The following UGGT1 variants were observed in gnomAD, a reference collection of about 807,000 sequenced individuals.
UGGT1 encodes the protein UDP-glucose:glycoprotein glucosyltransferase 1.
UGGT1 carries 107 observed loss-of-function variants against 203.9 expected under a neutral mutation model. The observed-to-expected ratio is 0.52, with a 90% confidence interval of 0.45 to 0.62. The LOEUF is 0.62. Among genes scored for constraint, UGGT1 ranks in the 20% least tolerant of loss-of-function variants. The probability of loss-of-function intolerance (pLI) is 0.00; values close to 1 mark genes in which losing one functional copy is unlikely to be tolerated. For missense variants in UGGT1, 1,673 were observed against 1,867.2 expected (o/e 0.90, Z 1.92); for synonymous variants, 628 against 653.5 (o/e 0.96, Z 0.59).
In UGGT1 at chr2:128,129,172, C is replaced by T. The variant is rs1688758853; in HGVS notation, c.1370C>T (p.Ala457Val). 3 of 1,607,836 alleles carry T rather than the reference C, an allele frequency of 1.9e-6. No individual in the cohort carries two copies. Among genetic ancestry groups the T allele is most frequent in the African/African-American group, 1.3e-5 (1 of 74,524 alleles). The part of the protein sequence containing the change: ...ADYAVDIRSP[A>V]ISWVNNLEVD... ...TATGCCGTAGACATCCGGAGTCCTG[C>T]TATTTCAGTGAGTATTTTGTTAGGG... Residue 457 changes from alanine to valine, a missense_variant, in exon 13 of 41, where the codon GCT becomes GTT. Ala to Val is a moderately conservative substitution (Grantham distance 64, BLOSUM62 0). Coordinates refer to ENST00000259253, the MANE Select transcript of UGGT1 (RefSeq NM_020120.4).
At chr2:128,186,601 C>T (rs1457634549) in intron 38 of UGGT1, 82 bp from the exon 39 acceptor site, 1 of 1,174,096 alleles carries the variant, frequency 8.5e-7, no homozygotes, top group Non-Finnish European at 1.2e-6. Context: ...AGTGGGACCC[C>T]ATCTCTCAAT....
At chr2:128,094,353 G>A (rs925125109) in intron 1 of UGGT1, among the ~76,000 whole-genome samples, 7 of 152,054 alleles carry the variant, frequency 4.6e-5, no homozygotes, top group South Asian at 4.1e-4. Flanking sequence ...ATTTAATAAC[G>A]ATGATGTACT....
In UGGT1 at chr2:128,178,569, G is replaced by T; in HGVS notation, c.3815G>T (p.Arg1272Leu). ...GGTCATCTCTACGAAAGATTTCTTC[G>T]GTCAGTCTTGTTGATTATTTCATTA... ...ASGHLYERFL[R>L]IMMLSVLKNT... is the part of the protein sequence containing the mutation. Residue 1272 changes from arginine to leucine, a missense_variant and splice_region_variant, in exon 34 of 41, where the codon CGC (arginine) becomes CTC (leucine). Arg to Leu is a moderately radical substitution (Grantham distance 102). Transcript: ENST00000259253. 6.2e-7 allele frequency: 1 copy of T among 1,607,042 alleles called. No homozygotes were observed.
chr2:128,116,485 G>T, intron 8 of UGGT1, 142 bp downstream of exon 8: 2 of 566,902 alleles, frequency 3.5e-6, no homozygotes, highest in South Asian at 2.5e-5. Flanking sequence ...ATCCTACGTG[G>T]AGAGTCAACC....
In UGGT1 at chr2:128,104,017, A is replaced by T; in HGVS notation, c.277+3A>T. On this transcript the variant is annotated splice_donor_region_variant and intron_variant, in intron 3 of 40. Coordinates refer to ENST00000259253, the MANE Select transcript of UGGT1 (RefSeq NM_020120.4). ...TATTGGATCATCAGATCATGACGGT[A>T]AAATTGAAGCAAATGCTTCTTTGAC... 3 of 1,548,234 alleles carry T rather than the reference A, an allele frequency of 1.9e-6. No individual in the cohort carries two copies. The highest frequency in any genetic ancestry group is 1.7e-6 in the Non-Finnish European group (2 of 1,155,162).
chr2:128,182,001 C>T, intron 36 of UGGT1, 129 bp from the exon 37 acceptor site: 2 of 798,432 alleles, frequency 2.5e-6, no homozygotes, highest in Admixed American at 5.1e-5. Context: ...GCATCTGCCC[C>T]TAGTGCCTGT....
chr2:128,133,044 ATTC>A, intron 13 of UGGT1, 94 bp from the exon 14 acceptor site: 1 of 1,451,558 alleles, frequency 6.9e-7, no homozygotes, highest in Non-Finnish European at 9.4e-7. Context: ...GTCTCACATG[ATTC>A]TTCTTAAAAT....
Position 128,113,153 on chromosome 2 carries a change from T to C in UGGT1, c.591T>C (p.Ile197=). ...CTAATCCTGAAAGCCCTGTGGTGAT[T>C]TTCTACTCTGAGATTGGCTCTGAGG... ...PSSNPESPVV[I]FYSEIGSEEF... is the part of the protein sequence containing the mutation. Residue 197 remains isoleucine, a synonymous_variant, in exon 6 of 41, where the codon ATT becomes ATC. Transcript: ENST00000259253. The C allele has an allele frequency of 6.2e-7, 1 of 1,613,124 alleles. No individual in the cohort carries two copies. Among genetic ancestry groups the C allele is most frequent in the Non-Finnish European group, 8.5e-7 (1 of 1,179,488 alleles).
Position 128,109,616 on chromosome 2 carries a change from T to C in UGGT1, c.409-18T>C. 1.3e-6 allele frequency: 2 copies of C among 1,589,262 alleles called. No homozygotes were observed. Among genetic ancestry groups the C allele is most frequent in the South Asian group, 1.1e-5 (1 of 90,570 alleles). Reference sequence around the variant, plus strand: ...TGGTTAGAAATTTAAAAAGTATGTGTTGTGTCTTATGTGACAGATAGCAGC... The same window carrying C: ...TGGTTAGAAATTTAAAAAGTATGTGCTGTGTCTTATGTGACAGATAGCAGC... On this transcript the variant is annotated intron_variant, in intron 4 of 40. Coordinates refer to ENST00000259253, the MANE Select transcript of UGGT1 (RefSeq NM_020120.4).
chr2:128,112,454 T>TTATATATATATATA (rs59726004), intron 5 of UGGT1, among the ~76,000 whole-genome samples: 824 of 55,760 alleles, frequency 0.015, 167 homozygotes, highest in East Asian at 0.081. Flanking sequence ...AAATACTATG[T>TTATATATATATATA]TATATATATA....
chr2:128,157,485 T>A, intron 22 of UGGT1, 139 bp downstream of exon 22: 1 of 614,336 alleles, frequency 1.6e-6, no homozygotes. Context: ...GAATTGTATC[T>A]CTAGAGATCT....
intron 18 of UGGT1, among the ~76,000 whole-genome samples, chr2:128,148,671 C>T (rs933434386): frequency 2.6e-5 from 4 of 152,180 alleles, no homozygotes; most frequent in African/African-American, 9.7e-5. Flanking sequence ...TCACGTACCC[C>T]TGGGCATGGT....
At chr2:128,123,661 A>C (rs1048177850) in intron 11 of UGGT1, among the ~76,000 whole-genome samples, 2 of 152,098 alleles carry the variant, frequency 1.3e-5, no homozygotes, top group Non-Finnish European at 2.9e-5. Flanking sequence ...TCCCACCACT[A>C]TTCTATATTG....
intron 16 of UGGT1, 150 bp from the exon 17 acceptor site, chr2:128,142,944 C>T: frequency 1.4e-6 from 1 of 723,884 alleles, no homozygotes; most frequent in Middle Eastern, 4.3e-4. Flanking sequence ...TGTGCCATTG[C>T]ACTCCAACCT....
intron 38 of UGGT1, among the ~76,000 whole-genome samples, chr2:128,185,926 T>G (rs760760201): frequency 2.0e-5 from 3 of 152,072 alleles, no homozygotes; most frequent in Non-Finnish European, 4.4e-5. Flanking sequence ...GAAAAAGGTT[T>G]AAAGCATAGG....
intron 36 of UGGT1, 43 bp from the exon 37 acceptor site, chr2:128,182,087 T>C (rs760603304): frequency 3.1e-6 from 5 of 1,596,816 alleles, no homozygotes; most frequent in Non-Finnish European, 2.6e-6. Flanking sequence ...GCATTAGAGC[T>C]GTCTGCATGG....
At chr2:128,132,578 G>T (rs1282993530) in intron 13 of UGGT1, among the ~76,000 whole-genome samples, 2 of 152,132 alleles carry the variant, frequency 1.3e-5, no homozygotes, top group Non-Finnish European at 2.9e-5. Flanking sequence ...AAAAAATTTC[G>T]CTTCTTTCTT....
Position 128,145,954 on chromosome 2 carries a change from G to C in UGGT1, c.2003G>C (p.Arg668Thr). Residue 668 changes from arginine to threonine, a missense_variant, in exon 18 of 41, where the codon AGA becomes ACA. By Grantham distance (71) the Arg-to-Thr change is moderately conservative. Transcript: ENST00000259253. The stretch of plus-strand genomic sequence containing the variant: ...CTGGAGACCACCACCTTCTTCCAAA[G>C]AGCGGTGTACTTGGTGAGTCACGTT... ...KILETTTFFQRAVYLGELPHD... is the reference protein window; with the variant it reads ...KILETTTFFQTAVYLGELPHD... 1 of 1,613,888 alleles carries C rather than the reference G, an allele frequency of 6.2e-7. No homozygotes were observed. The highest frequency in any genetic ancestry group is 8.5e-7 in the Non-Finnish European group (1 of 1,179,962).
At chr2:128,105,135 G>A (rs1687547065) in intron 3 of UGGT1, among the ~76,000 whole-genome samples, 2 of 147,456 alleles carry the variant, frequency 1.4e-5, no homozygotes, top group African/African-American at 5.0e-5. Context: ...CTCCCACCTC[G>A]GCCTCCTAAA....
Sources: gnomAD v4.1 joint callset for allele counts (sites outside exome capture counted in the v4.1 genomes callset) on GRCh38, gnomAD v4.1.1 for gene constraint, MANE v1.5 for transcripts, NCBI Gene and HGNC (gene_info 2026-07-23, HGNC 2026-07-21) for gene names.